Variants in RUNX1 observed in about 807,000 individuals in gnomAD.
RUNX1 encodes RUNX family transcription factor 1, also known as runt-related transcription factor 1.
Under a neutral mutation model 42.8 loss-of-function variants are expected in RUNX1, and 19 were observed. The ratio of observed to expected loss-of-function variants is 0.44; its 90% CI spans 0.31 to 0.65. The LOEUF (loss-of-function observed/expected upper bound fraction) is 0.65. Ranked by LOEUF, RUNX1 falls within the 30% of genes least tolerant of loss-of-function variation. The pLI, the probability that RUNX1 is intolerant of heterozygous loss-of-function variation, is 0.07. For synonymous variants in RUNX1, 271 were observed against 289.4 expected, an observed-to-expected ratio of 0.94 and a Z score of 0.64; for missense variants, 528 against 672.0, an observed-to-expected ratio of 0.79 and a Z score of 2.37.
chr21:34,922,174 G>A (rs958411928), intron 2 of RUNX1, among the ~76,000 whole-genome samples: 2 of 152,136 alleles, frequency 1.3e-5, no homozygotes, highest in African/African-American at 2.4e-5. Flanking sequence ...GTAAGTGGGG[G>A]GCTCGAGGCT....
At chr21:34,986,539 T>C (rs2058889280) in intron 2 of RUNX1, among the ~76,000 whole-genome samples, 1 of 148,402 alleles carries the variant, frequency 6.7e-6, no homozygotes, top group Non-Finnish European at 1.5e-5. Context: ...TTTGTGTAAA[T>C]GTGATTTGTT....
chr21:35,031,087 G>A (rs1331512991), intron 2 of RUNX1, among the ~76,000 whole-genome samples: 2 of 152,178 alleles, frequency 1.3e-5, no homozygotes, highest in African/African-American at 4.8e-5. Flanking sequence ...GGTGGCTCAC[G>A]CCTGTAATCC....
In RUNX1 at chr21:34,792,757, G is replaced by A; in HGVS notation, c.968-147C>T. 1.3e-6 allele frequency: 1 copy of A among 768,722 alleles called. No individual in the cohort carries two copies. 47.6% of individuals were successfully genotyped at this position (768,722 alleles called of 1,614,324 possible). A position where few individuals can be genotyped will look rare whatever the true frequency, so the allele number is the denominator to read the frequency against. ...GGATGCTACTGCTGGGGAGGACGGG[G>A]ACCACCCGGGATGCTACTCCCAAGA... On this transcript the variant is annotated intron_variant, in intron 8 of 8. Transcript: ENST00000675419. The surrounding 1 kb of genome is among the most constrained non-coding windows in gnomAD (Gnocchi z 6.9).
At chr21:34,814,840 G>C (rs914191687) in intron 7 of RUNX1, among the ~76,000 whole-genome samples, 1 of 152,100 alleles carries the variant, frequency 6.6e-6, no homozygotes, top group Non-Finnish European at 1.5e-5. Context: ...TCAGCACCTC[G>C]GGGTCTTTGC....
intron 2 of RUNX1, among the ~76,000 whole-genome samples, chr21:34,925,681 A>G (rs1002407035): frequency 6.6e-6 from 1 of 152,210 alleles, no homozygotes; most frequent in Non-Finnish European, 1.5e-5. Context: ...TGTTTGCTTA[A>G]GTCACCCAGT....
chr21:34,867,909 G>C (rs888866307), intron 5 of RUNX1, among the ~76,000 whole-genome samples: 12 of 152,142 alleles, frequency 7.9e-5, no homozygotes, highest in African/African-American at 2.7e-4. Flanking sequence ...GGGTCACACA[G>C]GGCAAGTGAC....
At chr21:34,859,450 C>A (rs2146233827) in intron 6 of RUNX1, 24 bp downstream of exon 6, 1 of 1,517,086 alleles carries the variant, frequency 6.6e-7, no homozygotes, top group Non-Finnish European at 9.2e-7. Context: ...GGAGGGTGTA[C>A]CAGCCCCAAG....
chr21:35,002,730 CTTAT>C (rs943856503), intron 2 of RUNX1, among the ~76,000 whole-genome samples: 6 of 152,024 alleles, frequency 3.9e-5, no homozygotes, highest in Non-Finnish European at 8.8e-5. Context: ...GCCCGGCCTA[CTTAT>C]TTATTTTTAT....
At chr21:35,042,737 CG>C (rs1431641742) in intron 2 of RUNX1, among the ~76,000 whole-genome samples, 1 of 152,174 alleles carries the variant, frequency 6.6e-6, no homozygotes, top group Non-Finnish European at 1.5e-5. Context: ...TGCACCCCAC[CG>C]TATCAGCCTG....
chr21:34,972,499 T>TA (rs1393555353), intron 2 of RUNX1, among the ~76,000 whole-genome samples: 1 of 152,226 alleles, frequency 6.6e-6, no homozygotes, highest in Non-Finnish European at 1.5e-5. Flanking sequence ...CTCCTGTTCC[T>TA]AAAAAGTATG....
intron 3 of RUNX1, among the ~76,000 whole-genome samples, chr21:34,891,058 T>C (rs1320621218): frequency 6.6e-6 from 1 of 151,708 alleles, no homozygotes; most frequent in African/African-American, 2.4e-5. Context: ...CTCGGAAAGG[T>C]CCAGGGAGGC....
chr21:34,888,860 C>A (rs566141734), intron 3 of RUNX1, among the ~76,000 whole-genome samples: 1 of 151,774 alleles, frequency 6.6e-6, no homozygotes, highest in African/African-American at 2.4e-5. Flanking sequence ...CGCGCGCCCC[C>A]GCCGCCGCGC....
At position 35,048,819 on chromosome 21, in the gene RUNX1, T is replaced by C. The variant is rs117776183; in HGVS notation, c.58+23A>G. The C allele has an allele frequency of 6.8e-3, 10,922 of 1,602,532 alleles. 57 individuals carry two copies. The highest frequency in any genetic ancestry group is 8.8e-3 in the Non-Finnish European group (10,287 of 1,169,444). Reference sequence around the variant, plus strand: ...AGGCAAAGCTGAGCAAAAGTAGATATTACAAGACCAGCATGTACTCACCTC... The same window carrying C: ...AGGCAAAGCTGAGCAAAAGTAGATACTACAAGACCAGCATGTACTCACCTC... On this transcript the variant is annotated intron_variant, in intron 2 of 8. Transcript: ENST00000675419.
chr21:34,845,168 C>T (rs1006478510), intron 6 of RUNX1, among the ~76,000 whole-genome samples: 34 of 152,226 alleles, frequency 2.2e-4, no homozygotes, highest in African/African-American at 7.7e-4. Context: ...CAGAGCACAG[C>T]ATGGTGATGA....
At chr21:34,840,678 G>C (rs1423041022) in intron 6 of RUNX1, among the ~76,000 whole-genome samples, 1 of 152,094 alleles carries the variant, frequency 6.6e-6, no homozygotes, top group Admixed American at 6.5e-5. Flanking sequence ...GCTCTGTCTT[G>C]ATCCCCACCA....
intron 2 of RUNX1, among the ~76,000 whole-genome samples, chr21:35,041,514 T>C (rs754491769): frequency 1.3e-5 from 2 of 152,108 alleles, no homozygotes; most frequent in African/African-American, 2.4e-5. Context: ...CAGTGCTGCA[T>C]ACAAAATCAA....
chr21:34,900,696 T>C (rs2058170262), intron 2 of RUNX1, among the ~76,000 whole-genome samples: 2 of 152,252 alleles, frequency 1.3e-5, no homozygotes, highest in Admixed American at 6.5e-5. Context: ...CAGTCATGCA[T>C]GCCTCAGCCT....
chr21:34,840,180 A>G (rs2057212118), intron 6 of RUNX1, among the ~76,000 whole-genome samples: 1 of 152,196 alleles, frequency 6.6e-6, no homozygotes, highest in South Asian at 2.1e-4. Context: ...ATCTATAGAA[A>G]GACTTTGGGG....
chr21:34,812,258 T>C (rs1343037761), intron 7 of RUNX1, among the ~76,000 whole-genome samples: 1 of 152,066 alleles, frequency 6.6e-6, no homozygotes, highest in African/African-American at 2.4e-5. Flanking sequence ...CCCACCTTCA[T>C]GTGAGAGCTA....
Sources: allele counts gnomAD v4.1 joint callset (sites outside exome capture counted in the v4.1 genomes callset), GRCh38; gene constraint gnomAD v4.1.1; non-coding constraint Gnocchi (gnomAD v3.1); transcripts MANE v1.5; gene names NCBI Gene and HGNC (gene_info 2026-07-23, HGNC 2026-07-21).